C10orf90: variants seen among roughly 807,000 people sequenced by gnomAD.
The protein encoded by C10orf90 is chromosome 10 open reading frame 90.
In C10orf90, 56 loss-of-function variants were observed where a neutral mutation model predicts 62.5. The observed-to-expected ratio is 0.90, with a 90% CI of 0.72 to 1.12. The LOEUF is 1.12. Among genes scored for constraint, C10orf90 ranks in the 50% most tolerant of loss-of-function variants. The probability of loss-of-function intolerance (pLI) is 0.00; values close to 1 mark genes in which losing one functional copy is unlikely to be tolerated. For synonymous variants in C10orf90, 386 were observed against 340.4 expected (o/e 1.13, Z -1.47); for missense variants, 970 against 880.4 (o/e 1.10, Z -1.29).
chr10:126,631,587 C>G (rs148648454), intron 2 of C10orf90, among the ~76,000 whole-genome samples: 1 of 151,998 alleles, frequency 6.6e-6, no homozygotes, highest in East Asian at 1.9e-4. Flanking sequence ...TGATCTCTTG[C>G]TCAGCATTGC....
At chr10:126,446,042 A>G (rs770359201) in intron 7 of C10orf90, among the ~76,000 whole-genome samples, 2 of 151,934 alleles carry the variant, frequency 1.3e-5, no homozygotes, top group Non-Finnish European at 2.9e-5. Flanking sequence ...AAAGACTACA[A>G]ATAGGGTACA....
intron 4 of C10orf90, among the ~76,000 whole-genome samples, chr10:126,477,019 C>T (rs1447068609): frequency 6.9e-6 from 1 of 145,650 alleles, no homozygotes; most frequent in Non-Finnish European, 1.5e-5. Flanking sequence ...ACGCCATTCT[C>T]CTGCCTCAGC....
At chr10:126,523,498 C>T (rs185048371) in intron 2 of C10orf90, 48 of 152,324 alleles carry the variant, frequency 3.2e-4, no homozygotes, top group Admixed American at 2.6e-3. Context: ...AGATGACACA[C>T]ATAAAGAGAT....
At chr10:126,550,808 CCT>C (rs1363645847) in intron 2 of C10orf90, among the ~76,000 whole-genome samples, 3 of 152,162 alleles carry the variant, frequency 2.0e-5, no homozygotes, top group African/African-American at 7.2e-5. Flanking sequence ...CCGTGCCTGA[CCT>C]CTTTCTGTAT....
At chr10:126,619,694 C>G (rs1034239837) in intron 2 of C10orf90, among the ~76,000 whole-genome samples, 1 of 152,144 alleles carries the variant, frequency 6.6e-6, no homozygotes, top group African/African-American at 2.4e-5. Context: ...GTTTGGAGCA[C>G]AGTGGTGCAA....
chr10:126,557,063 A>C (rs563784257), intron 2 of C10orf90, among the ~76,000 whole-genome samples: 99 of 151,646 alleles, frequency 6.5e-4, no homozygotes, highest in African/African-American at 2.2e-3. Flanking sequence ...CCAACCTAAT[A>C]GGAACTATGT....
intron 2 of C10orf90, among the ~76,000 whole-genome samples, chr10:126,519,319 A>T (rs1863615752): frequency 6.6e-6 from 1 of 152,256 alleles, no homozygotes; most frequent in Non-Finnish European, 1.5e-5. Flanking sequence ...ATGGTTAAAA[A>T]TTATGTCTAA....
chr10:126,654,330 T>C (rs1014044078), intron 1 of C10orf90, among the ~76,000 whole-genome samples: 1 of 152,260 alleles, frequency 6.6e-6, no homozygotes, highest in African/African-American at 2.4e-5. Flanking sequence ...AGTTATTTTC[T>C]GGATAACTTG....
intron 1 of C10orf90, among the ~76,000 whole-genome samples, chr10:126,647,745 G>A (rs1378498413): frequency 6.6e-6 from 1 of 152,206 alleles, no homozygotes; most frequent in Non-Finnish European, 1.5e-5. Flanking sequence ...TACTGGTTAT[G>A]TATGCTCAGT....
At chr10:126,533,250 A>C (rs1367444562) in intron 2 of C10orf90, among the ~76,000 whole-genome samples, 5 of 152,078 alleles carry the variant, frequency 3.3e-5, no homozygotes, top group Non-Finnish European at 7.4e-5. Flanking sequence ...TGTATTATCA[A>C]GCCTCACATC....
chr10:126,431,887 C>G lies in C10orf90; in HGVS notation c.2189-2037G>C, dbSNP rs747655744. ...GGAAACAACAGCAAATGTGAGCTCT[C>G]TGACACCTCCACTCTTGTGTTTCCT... is the stretch of plus-strand genomic sequence containing the variant. On this transcript the variant is annotated intron_variant, in intron 7 of 9. Transcript: ENST00000488181. 3.3e-5 allele frequency among the ~76,000 whole-genome samples: 5 copies of G among 152,206 alleles called. No homozygotes were observed. In the South Asian group the frequency reaches 1.0e-3, roughly 32 times the overall value.
chr10:126,660,015 CCAGA>C (rs934439863), intron 1 of C10orf90, among the ~76,000 whole-genome samples: 2 of 152,202 alleles, frequency 1.3e-5, no homozygotes, highest in African/African-American at 4.8e-5. Flanking sequence ...CATGGAGCTC[CCAGA>C]CAGAGACTCC....
intron 2 of C10orf90, among the ~76,000 whole-genome samples, chr10:126,641,625 A>G (rs1846061203): frequency 6.6e-6 from 1 of 152,036 alleles, no homozygotes; most frequent in Non-Finnish European, 1.5e-5. Context: ...CCCTCAATCC[A>G]TAGACCAAGC....
chr10:126,533,102 T>G (rs1312153340), intron 2 of C10orf90, among the ~76,000 whole-genome samples: 1 of 151,020 alleles, frequency 6.6e-6, no homozygotes, highest in Non-Finnish European at 1.5e-5. Context: ...CCGGCTAATG[T>G]TTTTTGTATT....
rs557572216 is a variant in C10orf90 at position 126,515,251 on chromosome 10, G to T, written c.314-1312C>A. On this transcript the variant is annotated intron_variant, in intron 2 of 9. Transcript: ENST00000488181. ...ATAATTGTTTGTTTAAATAAAAGTA[G>T]TGTAGCCTAAGTGTGTAGTGCTCAT... 6.4e-4 allele frequency among the ~76,000 whole-genome samples: 98 copies of T among 152,296 alleles called. No individual in the cohort carries two copies. In the Middle Eastern group the frequency reaches 0.017, roughly 26 times the overall value.
At chr10:126,438,340 A>G (rs1254541486) in intron 7 of C10orf90, among the ~76,000 whole-genome samples, 2 of 152,246 alleles carry the variant, frequency 1.3e-5, no homozygotes, top group Non-Finnish European at 2.9e-5. Flanking sequence ...TTGGGGTTTC[A>G]TTGGCAAAGC....
At chr10:126,617,636 T>A (rs915948079) in intron 2 of C10orf90, among the ~76,000 whole-genome samples, 1 of 152,228 alleles carries the variant, frequency 6.6e-6, no homozygotes, top group African/African-American at 2.4e-5. Flanking sequence ...TCTCCACCAC[T>A]GTGTCTCATT....
intron 2 of C10orf90, among the ~76,000 whole-genome samples, chr10:126,565,418 A>C (rs1034529100): frequency 6.7e-5 from 1 of 14,960 alleles, no homozygotes; most frequent in African/African-American, 1.8e-4. Context: ...AATATATATT[A>C]TATATATTAT....
chr10:126,480,569 G>A (rs1861113313), intron 4 of C10orf90, among the ~76,000 whole-genome samples: 1 of 152,232 alleles, frequency 6.6e-6, no homozygotes, highest in African/African-American at 2.4e-5. Context: ...TGTCCCCAGG[G>A]ACTGGTGAAC....
Sources: allele counts gnomAD v4.1 joint callset (sites outside exome capture counted in the v4.1 genomes callset), GRCh38; gene constraint gnomAD v4.1.1; transcripts MANE v1.5; gene names NCBI Gene and HGNC (gene_info 2026-07-23, HGNC 2026-07-21).